Variants in PIGK observed in about 807,000 individuals in gnomAD.
PIGK encodes the protein phosphatidylinositol glycan anchor biosynthesis class K, also known as GPI-anchor transamidase.
A neutral mutation model predicts 50.6 loss-of-function variants in PIGK; 42 were observed. The observed-to-expected ratio is 0.83, with a 90% confidence interval of 0.65 to 1.07. The LOEUF (loss-of-function observed/expected upper bound fraction) is 1.07. Among genes scored for constraint, PIGK ranks in the 50% least tolerant of loss-of-function variants. The probability of loss-of-function intolerance (pLI) is 0.00; values close to 1 mark genes in which losing one functional copy is unlikely to be tolerated. For missense variants in PIGK, 448 were observed against 488.7 expected (o/e 0.92, Z 0.78); for synonymous variants, 151 against 156.0 (o/e 0.97, Z 0.24).
rs566630340 is a variant in PIGK, at chr1:77,186,170, A to G, written c.240-16775T>C. Among the ~76,000 whole-genome samples, 12 of 152,306 alleles carry G rather than the reference A, an allele frequency of 7.9e-5. 1 individual carries two copies. The highest frequency in any genetic ancestry group is 4.1e-4 in the South Asian group (2 of 4,822). On this transcript the variant is annotated intron_variant, in intron 3 of 10. Coordinates refer to ENST00000370812, the MANE Select transcript of PIGK (RefSeq NM_005482.3). ...CTTGCCACCCTGCCTTCTCTCCCCAAGCCTCCATGGATGGCCTCATGGGGA... is the reference window on the plus strand; with the variant it reads ...CTTGCCACCCTGCCTTCTCTCCCCAGGCCTCCATGGATGGCCTCATGGGGA...
chr1:77,089,484 G>T lies in PIGK; in HGVS notation c.*2890C>A, dbSNP rs1653251801. 6.6e-6 allele frequency: 1 copy of T among 152,562 alleles called. No individual in the cohort carries two copies. Among genetic ancestry groups the T allele is most frequent in the African/African-American group, 2.4e-5 (1 of 41,448 alleles). The allele number at this position is 152,562 out of a possible 1,614,324, so 9.5% of individuals were successfully genotyped here. On this transcript the variant is annotated 3_prime_UTR_variant, in exon 11 of 11. Transcript: ENST00000370812. ...ATGTTAATGCAACATTTGTTGTAAA[G>T]ATTCCAGAAACACAGGAGTCAAAAT...
intron 10 of PIGK, among the ~76,000 whole-genome samples, chr1:77,098,815 T>G (rs1297319986): frequency 6.6e-6 from 1 of 152,140 alleles, no homozygotes; most frequent in East Asian, 1.9e-4. Context: ...CAGGGAAATA[T>G]TTTCACAAAA....
chr1:77,136,808 T>C (rs563534470), intron 9 of PIGK, among the ~76,000 whole-genome samples: 1 of 152,166 alleles, frequency 6.6e-6, no homozygotes, highest in South Asian at 2.1e-4. Context: ...AGCTAACAGT[T>C]TCCAATATTA....
intron 3 of PIGK, among the ~76,000 whole-genome samples, chr1:77,193,833 G>C (rs1441547210): frequency 6.6e-6 from 1 of 152,082 alleles, no homozygotes; most frequent in African/African-American, 2.4e-5. Context: ...AACAAAAATT[G>C]ATAAATGGGA....
rs147863735 is a variant in PIGK, at chr1:77,148,028, C to T, written c.986+6421G>A. On this transcript the variant is annotated intron_variant, in intron 9 of 10. Coordinates refer to ENST00000370812, the MANE Select transcript of PIGK (RefSeq NM_005482.3). ...TATGAATAACTGAATCAATGGACTC[C>T]ACTGTTTCCCTAATATGTGTAGAAA... 2.2e-3 allele frequency among the ~76,000 whole-genome samples: 342 copies of T among 152,304 alleles called. 3 individuals are homozygous for T. The highest frequency in any genetic ancestry group is 8.0e-3 in the African/African-American group (331 of 41,572).
rs1028377905 is a variant in PIGK, at chr1:77,091,497, G to GCT, written c.*875_*876dup. On this transcript the variant is annotated 3_prime_UTR_variant, in exon 11 of 11. Transcript: ENST00000370812. ...ACAGAATGAAATAAAGTCCTTGTTG[G>GCT]CTCTCTCTTTCAAGATGGAAAATGA... 6.6e-6 allele frequency: 1 copy of GCT among 152,140 alleles called. No individual in the cohort carries two copies. Among genetic ancestry groups the GCT allele is most frequent in the Non-Finnish European group, 1.5e-5 (1 of 68,014 alleles). The allele number at this position is 152,140 out of a possible 1,614,324, so 9.4% of individuals were successfully genotyped here. A position where few individuals can be genotyped will look rare whatever the true frequency, so the allele number is the denominator to read the frequency against.
intron 3 of PIGK, among the ~76,000 whole-genome samples, chr1:77,192,376 T>G (rs1655928311): frequency 6.6e-6 from 1 of 152,218 alleles, no homozygotes; most frequent in South Asian, 2.1e-4. Flanking sequence ...ATAATGGTGT[T>G]CATTCTCATG....
At chr1:77,177,590 T>C (rs1171370620) in intron 3 of PIGK, among the ~76,000 whole-genome samples, 1 of 152,240 alleles carries the variant, frequency 6.6e-6, no homozygotes, top group East Asian at 1.9e-4. Flanking sequence ...TCAATAAATA[T>C]GTGGGTAAAT....
At chr1:77,165,564 A>G (rs1301311665) in intron 5 of PIGK, among the ~76,000 whole-genome samples, 1 of 151,636 alleles carries the variant, frequency 6.6e-6, no homozygotes, top group African/African-American at 2.4e-5. Flanking sequence ...ATTAACATCC[A>G]TATTTACCGA....
chr1:77,147,161 G>A (rs1238363634), intron 9 of PIGK, among the ~76,000 whole-genome samples: 7 of 152,126 alleles, frequency 4.6e-5, no homozygotes, highest in African/African-American at 1.4e-4. Flanking sequence ...GAGAATGAGA[G>A]GGGAGCAAAA....
At chr1:77,190,021 C>G (rs1467302694) in intron 3 of PIGK, among the ~76,000 whole-genome samples, 1 of 151,746 alleles carries the variant, frequency 6.6e-6, no homozygotes, top group Non-Finnish European at 1.5e-5. Flanking sequence ...GAATTCAAAC[C>G]CAGATTTGTC....
At chr1:77,097,392 T>G (rs537428390) in intron 10 of PIGK, among the ~76,000 whole-genome samples, 10 of 152,286 alleles carry the variant, frequency 6.6e-5, no homozygotes, top group African/African-American at 1.9e-4. Context: ...GTTTGGTTCC[T>G]CTTCCCTTTA....
At chr1:77,147,385 T>G (rs1214174547) in intron 9 of PIGK, among the ~76,000 whole-genome samples, 5 of 151,290 alleles carry the variant, frequency 3.3e-5, no homozygotes, top group Non-Finnish European at 1.5e-5. Context: ...GGAGGGGAGG[T>G]GAGGGCAGGG....
intron 3 of PIGK, among the ~76,000 whole-genome samples, chr1:77,173,312 T>A (rs116804480): frequency 0.012 from 1,903 of 152,308 alleles, 39 homozygotes; most frequent in African/African-American, 0.044. Flanking sequence ...ATTTCAATAT[T>A]TTTATTTAAA....
intron 10 of PIGK, among the ~76,000 whole-genome samples, chr1:77,102,053 G>C (rs1158139081): frequency 6.6e-6 from 1 of 152,158 alleles, no homozygotes; most frequent in Non-Finnish European, 1.5e-5. Context: ...AATTCCAATG[G>C]AGGAGATTAA....
chr1:77,110,678 A>T (rs1342286298), intron 10 of PIGK, among the ~76,000 whole-genome samples: 1 of 152,212 alleles, frequency 6.6e-6, no homozygotes, highest in Non-Finnish European at 1.5e-5. Flanking sequence ...CCTAGGCAAT[A>T]CCATTCAGGA....
intron 9 of PIGK, among the ~76,000 whole-genome samples, chr1:77,151,589 T>TAA (rs1472331138): frequency 6.6e-6 from 1 of 152,102 alleles, no homozygotes; most frequent in East Asian, 1.9e-4. Context: ...ATCTTACACT[T>TAA]AAAAAAACCT....
At chr1:77,168,389 C>T (rs17100005) in intron 4 of PIGK, among the ~76,000 whole-genome samples, 5,659 of 152,192 alleles carry the variant, frequency 0.037, 205 homozygotes, top group South Asian at 0.21. Flanking sequence ...TCCTGCAAGA[C>T]AGCAAAATGC....
chr1:77,112,997 G>T (rs1471219941), intron 10 of PIGK, among the ~76,000 whole-genome samples: 1 of 151,966 alleles, frequency 6.6e-6, no homozygotes, highest in Non-Finnish European at 1.5e-5. Flanking sequence ...TTTGGCATAA[G>T]GGACAACAGA....
Sources: allele counts gnomAD v4.1 joint callset (sites outside exome capture counted in the v4.1 genomes callset), GRCh38; gene constraint gnomAD v4.1.1; transcripts MANE v1.5; gene names NCBI Gene and HGNC (gene_info 2026-07-23, HGNC 2026-07-21).